Variants in UST observed in about 807,000 individuals in gnomAD.
The protein encoded by UST is chondroitin sulfate 2-O-sulfotransferase.
UST carries 21 observed loss-of-function variants against 45.6 expected under a neutral mutation model. That is an observed-to-expected ratio of 0.46 (90% CI 0.33 to 0.66). The LOEUF is 0.66. UST is among the 30% of genes least tolerant of loss of function. The pLI, the probability that UST is intolerant of heterozygous loss-of-function variation, is 0.02. For synonymous variants in UST, 215 were observed against 200.6 expected (o/e 1.07, Z -0.61); for missense variants, 463 against 512.4 (o/e 0.90, Z 0.93).
chr6:148,810,439 T>C (rs1255418388), intron 1 of UST, among the ~76,000 whole-genome samples: 1 of 152,246 alleles, frequency 6.6e-6, no homozygotes, highest in African/African-American at 2.4e-5. Flanking sequence ...GTAATAAGTA[T>C]TGTATGTAGA....
At chr6:149,019,346 T>G in intron 6 of UST, 110 bp downstream of exon 6, 1 of 767,034 alleles carries the variant, frequency 1.3e-6, no homozygotes, top group Non-Finnish European at 2.3e-6. Context: ...CTCAACCTTC[T>G]GGAATTCAGT....
intron 1 of UST, among the ~76,000 whole-genome samples, chr6:148,829,289 C>T (rs565076179): frequency 3.8e-4 from 58 of 152,254 alleles, no homozygotes; most frequent in Middle Eastern, 3.4e-3. Context: ...CACCTGGGTC[C>T]GCTGTAACCA....
intron 2 of UST, among the ~76,000 whole-genome samples, chr6:148,925,566 A>T (rs540366931): frequency 1.3e-5 from 2 of 152,344 alleles, no homozygotes; most frequent in East Asian, 3.9e-4. Flanking sequence ...GAATATTTCC[A>T]AGTCACAATT....
chr6:148,935,962 T>C (rs117597689), intron 2 of UST, among the ~76,000 whole-genome samples: 2,254 of 152,300 alleles, frequency 0.015, 23 homozygotes, highest in Middle Eastern at 0.041. Flanking sequence ...TGAAAAACAG[T>C]GTATTCAATG....
At chr6:148,928,126 AT>A (rs111677489) in intron 2 of UST, among the ~76,000 whole-genome samples, 73,435 of 148,530 alleles carry the variant, frequency 0.49, 18,169 homozygotes, top group Middle Eastern at 0.64. Context: ...CATCACTAAG[AT>A]TTTTTTTTTT....
At chr6:149,035,337 G>A (rs1022826499) in intron 7 of UST, among the ~76,000 whole-genome samples, 8 of 152,052 alleles carry the variant, frequency 5.3e-5, no homozygotes, top group Non-Finnish European at 1.0e-4. Flanking sequence ...TTTATTCCCC[G>A]CTTTATCTCT....
intron 1 of UST, among the ~76,000 whole-genome samples, chr6:148,839,732 ATG>A (rs1429981905): frequency 6.6e-6 from 1 of 152,142 alleles, no homozygotes; most frequent in African/African-American, 2.4e-5. Flanking sequence ...AGGATCCCAA[ATG>A]TGGTATTTTT....
intron 1 of UST, among the ~76,000 whole-genome samples, chr6:148,770,803 G>A (rs1582800275): frequency 6.6e-6 from 1 of 152,338 alleles, no homozygotes; most frequent in East Asian, 1.9e-4. Context: ...CTCAGCTGGT[G>A]CAGCGGGCAG....
chr6:148,873,426 T>A (rs910010694), intron 1 of UST, among the ~76,000 whole-genome samples: 11 of 152,134 alleles, frequency 7.2e-5, no homozygotes, highest in Admixed American at 3.3e-4. Context: ...CAGCAGCCCT[T>A]TGTCCTCGAT....
intron 2 of UST, among the ~76,000 whole-genome samples, chr6:148,909,283 T>TA (rs1693405054): frequency 6.6e-6 from 1 of 152,168 alleles, no homozygotes; most frequent in Non-Finnish European, 1.5e-5. Context: ...CTAAAGGATG[T>TA]AATAGGTAGT....
chr6:149,022,418 G>A (rs888838729), intron 7 of UST, among the ~76,000 whole-genome samples: 3 of 152,066 alleles, frequency 2.0e-5, no homozygotes, highest in Middle Eastern at 3.4e-3. Context: ...TGGCCAACAC[G>A]GAGAAACCCT....
chr6:148,748,925 GAA>G lies in UST; in HGVS notation c.247+1259_247+1260del, dbSNP rs551593699. Among the ~76,000 whole-genome samples, 37 of 134,592 alleles carry G rather than the reference GAA, an allele frequency of 2.7e-4. No homozygotes were observed. The highest frequency in any genetic ancestry group is 9.9e-4 in the African/African-American group (37 of 37,522). 88.3% of individuals were successfully genotyped at this position (134,592 alleles called of 152,430 possible). A position where few individuals can be genotyped will look rare whatever the true frequency, so the allele number is the denominator to read the frequency against. ...GTTTGGAGAAAAGAGAAAAGAAAAG[GAA>G]AAAAAAAAAACCCAAAACAAACAAA... On this transcript the variant is annotated intron_variant, in intron 1 of 7. Transcript: ENST00000367463. This position sits in a 1 kb window ranked among gnomAD's most constrained non-coding sequence, Gnocchi z 5.3.
At chr6:148,847,925 T>C (rs1374795808) in intron 1 of UST, among the ~76,000 whole-genome samples, 1 of 152,156 alleles carries the variant, frequency 6.6e-6, no homozygotes, top group Non-Finnish European at 1.5e-5. Context: ...TTCTATAATC[T>C]CCCACTGGAC....
At chr6:149,033,113 C>T (rs914819001) in intron 7 of UST, among the ~76,000 whole-genome samples, 7 of 152,304 alleles carry the variant, frequency 4.6e-5, no homozygotes, top group South Asian at 2.1e-4. Flanking sequence ...TTTATAAAAA[C>T]GACCTTGTGG....
chr6:148,939,190 C>T (rs369572804), intron 2 of UST, among the ~76,000 whole-genome samples: 7 of 151,946 alleles, frequency 4.6e-5, no homozygotes, highest in Admixed American at 1.3e-4. Context: ...ATCAAAGAAA[C>T]GAATTAAAGG....
chr6:148,875,381 A>G (rs1279354986), intron 1 of UST, among the ~76,000 whole-genome samples: 2 of 152,246 alleles, frequency 1.3e-5, no homozygotes, highest in African/African-American at 4.8e-5. Flanking sequence ...ATATATCAAG[A>G]CAGTATTGGA....
chr6:148,854,198 A>G (rs1778159503), intron 1 of UST, among the ~76,000 whole-genome samples: 1 of 152,216 alleles, frequency 6.6e-6, no homozygotes, highest in Non-Finnish European at 1.5e-5. Flanking sequence ...CTCCTCTGCT[A>G]CCGTCTGTCC....
intron 1 of UST, among the ~76,000 whole-genome samples, chr6:148,784,688 C>T (rs1157501194): frequency 2.0e-5 from 3 of 152,132 alleles, no homozygotes; most frequent in Non-Finnish European, 4.4e-5. Context: ...ACAGTGCCTG[C>T]GATATGATAA....
At position 148,815,769 on chromosome 6, in the gene UST, T is replaced by C. The variant is rs182137730; in HGVS notation, c.247+68092T>C. Reference sequence around the variant, plus strand: ...ATTATTTTTATCAGTGTTTCTCATGTTTTTCCTATTCTGTGTGAACTCCTG... The same window carrying C: ...ATTATTTTTATCAGTGTTTCTCATGCTTTTCCTATTCTGTGTGAACTCCTG... On this transcript the variant is annotated intron_variant, in intron 1 of 7. Coordinates refer to ENST00000367463, the MANE Select transcript of UST (RefSeq NM_005715.3). Among the ~76,000 whole-genome samples the C allele has an allele frequency of 3.6e-3, 550 of 152,310 alleles. 3 individuals are homozygous for C. Among genetic ancestry groups the C allele is most frequent in the Non-Finnish European group, 6.2e-3 (424 of 68,018 alleles).
Sources: gnomAD v4.1 joint callset for allele counts (sites outside exome capture counted in the v4.1 genomes callset) on GRCh38, gnomAD v4.1.1 for gene constraint, Gnocchi (gnomAD v3.1) non-coding constraint, MANE v1.5 for transcripts, NCBI Gene and HGNC (gene_info 2026-07-23, HGNC 2026-07-21) for gene names.